The following DLGAP1 variants were observed in gnomAD, a reference collection of about 807,000 sequenced individuals.
DLGAP1 encodes the protein disks large-associated protein 1.
DLGAP1 carries 11 observed loss-of-function variants against 90.8 expected under a neutral mutation model. That is an observed-to-expected ratio of 0.12 (90% CI 0.08 to 0.20). The LOEUF (loss-of-function observed/expected upper bound fraction) is 0.20, where lower values mean the gene tolerates loss of function less well. Among genes scored for constraint, DLGAP1 ranks in the 10% least tolerant of loss-of-function variants. The probability of loss-of-function intolerance (pLI) is 1.00; values close to 1 mark genes in which losing one functional copy is unlikely to be tolerated. For synonymous variants in DLGAP1, 558 were observed against 540.7 expected, an observed-to-expected ratio of 1.03 and a Z score of -0.44; for missense variants, 1,050 against 1,333.8, an observed-to-expected ratio of 0.79 and a Z score of 3.31.
At chr18:4,128,768 G>A (rs934718169) in intron 2 of DLGAP1, among the ~76,000 whole-genome samples, 1 of 152,090 alleles carries the variant, frequency 6.6e-6, no homozygotes, top group African/African-American at 2.4e-5. Context: ...AAAAATACAT[G>A]CCCAAGATGA....
intron 5 of DLGAP1, among the ~76,000 whole-genome samples, chr18:3,764,552 G>A (rs560261813): frequency 7.2e-5 from 11 of 152,268 alleles, no homozygotes; most frequent in Admixed American, 3.9e-4. Flanking sequence ...AGGGAAATAC[G>A]GGTAGTTCCA....
chr18:4,246,124 A>G (rs2078648462), intron 1 of DLGAP1, among the ~76,000 whole-genome samples: 1 of 152,266 alleles, frequency 6.6e-6, no homozygotes, highest in East Asian at 1.9e-4. Context: ...TCTTGGGGCT[A>G]TTTGGGGGCT....
chr18:3,742,597 A>G lies in DLGAP1; in HGVS notation c.1173-85T>C, dbSNP rs2063101941. ...CATGTGGCACTATTGTCATTTATGTAGCACCCTAAATACTGGGACAAATGA... is the reference window on the plus strand; with the variant it reads ...CATGTGGCACTATTGTCATTTATGTGGCACCCTAAATACTGGGACAAATGA... On this transcript the variant is annotated intron_variant, in intron 5 of 12. Coordinates refer to ENST00000315677, the MANE Select transcript of DLGAP1 (RefSeq NM_004746.4). 3.4e-6 allele frequency: 5 copies of G among 1,476,404 alleles called. No individual in the cohort carries two copies. The East Asian group carries it at 1.2e-4, about 34-fold the overall frequency. The allele number at this position is 1,476,404 out of a possible 1,614,324, so 91.5% of individuals were successfully genotyped here. A position where few individuals can be genotyped will look rare whatever the true frequency, so the allele number is the denominator to read the frequency against.
chr18:3,826,557 C>A (rs1423111396), intron 4 of DLGAP1, among the ~76,000 whole-genome samples: 1 of 152,224 alleles, frequency 6.6e-6, no homozygotes, highest in East Asian at 1.9e-4. Context: ...ATGAGAAAGT[C>A]CTGAAGAAAG....
chr18:4,132,821 C>A (rs976469), intron 2 of DLGAP1, among the ~76,000 whole-genome samples: 1 of 151,984 alleles, frequency 6.6e-6, no homozygotes, highest in Non-Finnish European at 1.5e-5. Context: ...CTGGGTATTA[C>A]GAAAGCTTCA....
At chr18:3,708,686 A>T (rs1305471266) in intron 7 of DLGAP1, among the ~76,000 whole-genome samples, 1 of 152,250 alleles carries the variant, frequency 6.6e-6, no homozygotes, top group Non-Finnish European at 1.5e-5. Context: ...GCACAATCGT[A>T]AGTAAGCTAA....
chr18:4,151,807 G>A (rs1200312640), intron 1 of DLGAP1, among the ~76,000 whole-genome samples: 1 of 152,102 alleles, frequency 6.6e-6, no homozygotes, highest in Non-Finnish European at 1.5e-5. Flanking sequence ...CTAGAGACTT[G>A]CTGGTGCCTA....
At chr18:4,424,547 C>T (rs1333063347) in intron 1 of DLGAP1, among the ~76,000 whole-genome samples, 2 of 152,082 alleles carry the variant, frequency 1.3e-5, no homozygotes, top group African/African-American at 4.8e-5. Context: ...ACCATTAATA[C>T]TTTCAAGGAT....
chr18:4,293,643 G>GT (rs1270504931), intron 1 of DLGAP1: 3 of 152,194 alleles, frequency 2.0e-5, no homozygotes, highest in African/African-American at 7.2e-5. Context: ...GTTTATCTGT[G>GT]TTTTCCTGAA....
intron 1 of DLGAP1, among the ~76,000 whole-genome samples, chr18:4,235,889 C>T (rs2078404713): frequency 6.6e-6 from 1 of 151,870 alleles, no homozygotes; most frequent in South Asian, 2.1e-4. Flanking sequence ...CCATGCCTGG[C>T]TAATTTTTGT....
chr18:4,453,922 T>TGC (rs2083899947), intron 1 of DLGAP1, among the ~76,000 whole-genome samples: 1 of 152,112 alleles, frequency 6.6e-6, no homozygotes, highest in Non-Finnish European at 1.5e-5. Context: ...CTGGCTACCT[T>TGC]TAACCCCTTG....
intron 7 of DLGAP1, among the ~76,000 whole-genome samples, chr18:3,710,940 C>G (rs1347900456): frequency 1.3e-5 from 2 of 152,116 alleles, no homozygotes; most frequent in African/African-American, 4.8e-5. Context: ...TGGTGAGTGT[C>G]TAATAAGTAA....
At chr18:4,037,975 C>G (rs1780398657) in intron 2 of DLGAP1, among the ~76,000 whole-genome samples, 1 of 152,140 alleles carries the variant, frequency 6.6e-6, no homozygotes, top group South Asian at 2.1e-4. Context: ...CAAAAATTAC[C>G]TTTTAACTGC....
Position 3,873,030 on chromosome 18 carries a change from A to C in DLGAP1, c.957+6082T>G, listed in dbSNP as rs533327881. ...CCGAAAATGTCTTTAGAAAACAGTG[A>C]AACTGAAGGCCAAGAATAATAAAGT... On this transcript the variant is annotated intron_variant, in intron 4 of 12. Transcript: ENST00000315677. Among the ~76,000 whole-genome samples the C allele has an allele frequency of 2.0e-5, 3 of 152,344 alleles. No individual in the cohort carries two copies. The Middle Eastern group carries it at 0.01, about 518-fold the overall frequency.
intron 7 of DLGAP1, among the ~76,000 whole-genome samples, chr18:3,652,736 C>T (rs1199079448): frequency 5.9e-5 from 9 of 152,100 alleles, no homozygotes; most frequent in East Asian, 3.8e-4. Context: ...TTTTTTCATA[C>T]GGGCTTTCAA....
intron 1 of DLGAP1, among the ~76,000 whole-genome samples, chr18:4,156,930 G>T (rs765907986): frequency 6.6e-6 from 1 of 152,234 alleles, no homozygotes; most frequent in African/African-American, 2.4e-5. Context: ...GGCATGGATG[G>T]CTGAGAAACT....
At chr18:3,800,533 T>A (rs73940225) in intron 5 of DLGAP1, among the ~76,000 whole-genome samples, 5,638 of 152,298 alleles carry the variant, frequency 0.037, 128 homozygotes, top group South Asian at 0.11. Flanking sequence ...GAGCAAATTG[T>A]AGAACAGTAT....
At chr18:3,572,897 C>T (rs1206866292) in intron 8 of DLGAP1, among the ~76,000 whole-genome samples, 1 of 152,146 alleles carries the variant, frequency 6.6e-6, no homozygotes, top group Non-Finnish European at 1.5e-5. Context: ...CTGTGACATA[C>T]ACTACTTGGT....
intron 2 of DLGAP1, among the ~76,000 whole-genome samples, chr18:4,109,838 A>G (rs2075940601): frequency 6.6e-6 from 1 of 151,984 alleles, no homozygotes; most frequent in East Asian, 1.9e-4. Flanking sequence ...TTCTCCTAAG[A>G]AGCAAGATTT....
Sources: allele counts gnomAD v4.1 joint callset (sites outside exome capture counted in the v4.1 genomes callset), GRCh38; gene constraint gnomAD v4.1.1; transcripts MANE v1.5; gene names NCBI Gene and HGNC (gene_info 2026-07-23, HGNC 2026-07-21).